Variants in REDIC1 observed in about 807,000 individuals in gnomAD.
The protein encoded by REDIC1 is HEI10 Interacting Protein 1.
At chr12:39,837,869 A>T in the REDIC1 span, among the ~76,000 whole-genome samples, 6 of 151,470 alleles carry the variant, frequency 4.0e-5, no homozygotes, top group Non-Finnish European at 7.4e-5. Flanking sequence ...GTGGAGAAAT[A>T]GAAACACTTT....
the REDIC1 span, among the ~76,000 whole-genome samples, chr12:39,799,945 T>A: frequency 6.6e-6 from 1 of 152,122 alleles, no homozygotes; most frequent in African/African-American, 2.4e-5. Context: ...TAAGAAGTGT[T>A]CCCCATGTGC....
the REDIC1 span, among the ~76,000 whole-genome samples, chr12:39,892,339 T>C: frequency 6.6e-6 from 1 of 152,162 alleles, no homozygotes; most frequent in African/African-American, 2.4e-5. Flanking sequence ...TGTGTGTGTG[T>C]GTGTTTCTTT....
chr12:39,876,673 CA>C, the REDIC1 span, among the ~76,000 whole-genome samples: 3 of 151,920 alleles, frequency 2.0e-5, no homozygotes, highest in African/African-American at 7.3e-5. Flanking sequence ...GCAGCCAAGG[CA>C]AAATAGTAAA....
the REDIC1 span, among the ~76,000 whole-genome samples, chr12:39,672,378 C>T: frequency 6.6e-6 from 1 of 152,036 alleles, no homozygotes. Context: ...AAAGCCTGTC[C>T]TCAGGGGCAT....
chr12:39,721,258 A>T, the REDIC1 span: 1 of 1,604,220 alleles, frequency 6.2e-7, no homozygotes, highest in East Asian at 2.2e-5. Context: ...CTAATATTCT[A>T]AAATCTCTAC....
the REDIC1 span, among the ~76,000 whole-genome samples, chr12:39,885,285 T>C: frequency 2.6e-5 from 4 of 152,154 alleles, no homozygotes; most frequent in Admixed American, 2.6e-4. Flanking sequence ...CTCAAATGAA[T>C]GCTTTCATCT....
the REDIC1 span, among the ~76,000 whole-genome samples, chr12:39,659,231 TTC>T: frequency 0.017 from 2,572 of 152,076 alleles, 40 homozygotes; most frequent in Non-Finnish European, 0.026. Flanking sequence ...TTTGTGATTT[TTC>T]TGTCATGATT....
At chr12:39,801,616 G>A in the REDIC1 span, among the ~76,000 whole-genome samples, 7 of 152,194 alleles carry the variant, frequency 4.6e-5, no homozygotes, top group African/African-American at 1.7e-4. Flanking sequence ...ACTAGTCATA[G>A]GAAAAAGAGG....
chr12:39,743,588 T>G, the REDIC1 span, among the ~76,000 whole-genome samples: 1 of 152,094 alleles, frequency 6.6e-6, no homozygotes, highest in East Asian at 1.9e-4. Flanking sequence ...AGGCTGTAAT[T>G]GAAAAAGTAG....
the REDIC1 span, among the ~76,000 whole-genome samples, chr12:39,711,755 A>G: frequency 1.0e-5 from 1 of 100,330 alleles, no homozygotes; most frequent in East Asian, 2.8e-4. Context: ...ATACACATGC[A>G]TGTGTATGTG....
chr12:39,829,903 G>A, the REDIC1 span: 1 of 656,206 alleles, frequency 1.5e-6, no homozygotes, highest in East Asian at 3.0e-5. Flanking sequence ...CAAAAGTCTA[G>A]GCCTGAGTGC....
the REDIC1 span, among the ~76,000 whole-genome samples, chr12:39,749,439 AC>A: frequency 2.0e-5 from 3 of 152,238 alleles, no homozygotes; most frequent in Admixed American, 1.3e-4. Context: ...TAGCCTACCA[AC>A]CAAAAAAATT....
At chr12:39,666,629 T>G in the REDIC1 span, among the ~76,000 whole-genome samples, 1 of 152,234 alleles carries the variant, frequency 6.6e-6, no homozygotes, top group Non-Finnish European at 1.5e-5. Context: ...TGGAATAGTT[T>G]CAGAAGAAAT....
chr12:39,776,486 T>C, the REDIC1 span, among the ~76,000 whole-genome samples: 1 of 152,206 alleles, frequency 6.6e-6, no homozygotes, highest in Non-Finnish European at 1.5e-5. Context: ...ATGTGGCATA[T>C]GGTTTATATT....
the REDIC1 span, among the ~76,000 whole-genome samples, chr12:39,789,364 A>G: frequency 1.3e-5 from 2 of 152,136 alleles, no homozygotes; most frequent in Non-Finnish European, 2.9e-5. Flanking sequence ...AAATTCATTC[A>G]GGTAGATGCC....
chr12:39,678,622 G>A, the REDIC1 span, among the ~76,000 whole-genome samples: 1 of 58,986 alleles, frequency 1.7e-5, no homozygotes, highest in Non-Finnish European at 3.2e-5. Context: ...ACCAGGAAAA[G>A]GCATAACAAA....
At chr12:39,659,282 AT>A in the REDIC1 span, among the ~76,000 whole-genome samples, 4 of 151,604 alleles carry the variant, frequency 2.6e-5, no homozygotes, top group Admixed American at 1.3e-4. Flanking sequence ...TAAGATATTA[AT>A]TTTCTTTCTA....
the REDIC1 span, among the ~76,000 whole-genome samples, chr12:39,653,065 A>C: frequency 6.6e-6 from 1 of 152,142 alleles, no homozygotes; most frequent in Non-Finnish European, 1.5e-5. Flanking sequence ...GCACAATCAA[A>C]AACCAGAAAC....
At chr12:39,630,826 A>T in the REDIC1 span, among the ~76,000 whole-genome samples, 3 of 152,104 alleles carry the variant, frequency 2.0e-5, no homozygotes, top group African/African-American at 7.2e-5. Flanking sequence ...AGAAGTTGAA[A>T]ATTTATTCTT....
Sources: gnomAD v4.1 joint callset for allele counts (sites outside exome capture counted in the v4.1 genomes callset) on GRCh38, gnomAD v4.1.1 for gene constraint, MANE v1.5 for transcripts, NCBI Gene and HGNC (gene_info 2026-07-23, HGNC 2026-07-21) for gene names.